The following ACTR3C variants were observed in gnomAD, a reference collection of about 807,000 sequenced individuals.
ACTR3C encodes actin related protein 3C.
Under a neutral mutation model 26.3 loss-of-function variants are expected in ACTR3C, and 18 were observed. The observed-to-expected ratio is 0.68, with a 90% CI of 0.47 to 1.01. ACTR3C has a LOEUF of 1.01. Ranked by LOEUF, ACTR3C falls within the 50% of genes least tolerant of loss-of-function variation. The pLI, the probability that ACTR3C is intolerant of heterozygous loss-of-function variation, is 0.00. For missense variants in ACTR3C, 184 were observed against 250.7 expected, an observed-to-expected ratio of 0.73 and a Z score of 1.80; for synonymous variants, 55 against 94.5, an observed-to-expected ratio of 0.58 and a Z score of 2.42.
the ACTR3C span, among the ~76,000 whole-genome samples, chr7:149,985,485 A>G: frequency 1.3e-5 from 2 of 152,190 alleles, no homozygotes; most frequent in Non-Finnish European, 2.9e-5. Flanking sequence ...GTTTCTCAAA[A>G]CATTCTTATG....
chr7:150,018,468 T>C, the ACTR3C span, among the ~76,000 whole-genome samples: 3 of 149,476 alleles, frequency 2.0e-5, no homozygotes, highest in African/African-American at 7.6e-5. Flanking sequence ...GGGTTTGTTT[T>C]ATAAATCATT....
the ACTR3C span, among the ~76,000 whole-genome samples, chr7:149,930,768 C>A: frequency 6.6e-6 from 1 of 152,202 alleles, no homozygotes; most frequent in Non-Finnish European, 1.5e-5. Context: ...GCACATGAGC[C>A]CCACACATAC....
At chr7:149,932,840 C>T in the ACTR3C span, among the ~76,000 whole-genome samples, 1 of 150,918 alleles carries the variant, frequency 6.6e-6, no homozygotes, top group African/African-American at 2.4e-5. Flanking sequence ...CACGATGGCC[C>T]AAGACCTGAA....
chr7:150,105,077 C>A, the ACTR3C span, among the ~76,000 whole-genome samples: 2 of 148,406 alleles, frequency 1.3e-5, no homozygotes, highest in Admixed American at 6.7e-5. Flanking sequence ...CTTCTTCATT[C>A]TTTTTTTCTT....
At chr7:150,306,452 G>GA (rs964088146) in intron 1 of ACTR3C, among the ~76,000 whole-genome samples, 79 of 152,242 alleles carry the variant, frequency 5.2e-4, no homozygotes, top group African/African-American at 1.8e-3. Flanking sequence ...GCTACAGAAG[G>GA]AAAAATGCCA....
chr7:150,248,201 G>GTT (rs754405535), intron 7 of ACTR3C: 1 of 152,246 alleles, frequency 6.6e-6, no homozygotes, highest in Non-Finnish European at 1.5e-5. Flanking sequence ...AGGATGCAGA[G>GTT]TAAGCCCACT....
chr7:150,085,751 C>T, the ACTR3C span, among the ~76,000 whole-genome samples: 4 of 151,974 alleles, frequency 2.6e-5, no homozygotes, highest in African/African-American at 7.3e-5. Flanking sequence ...AAGCAGGTGC[C>T]GTGAGATTAA....
the ACTR3C span, among the ~76,000 whole-genome samples, chr7:149,969,876 T>C: frequency 2.6e-5 from 4 of 152,216 alleles, no homozygotes; most frequent in African/African-American, 9.6e-5. Context: ...GGGATACAGC[T>C]GACTGAATGT....
At chr7:150,220,516 G>T in the ACTR3C span, among the ~76,000 whole-genome samples, 1 of 150,908 alleles carries the variant, frequency 6.6e-6, no homozygotes, top group Admixed American at 6.6e-5. Context: ...AGGAGAAGCA[G>T]CTGCTGGGAC....
At chr7:150,244,800 T>C (rs1242086614), downstream of ACTR3C, 3 of 155,418 alleles carry the variant, frequency 1.9e-5, no homozygotes, top group African/African-American at 7.2e-5. Context: ...GTGGAAACCA[T>C]GCAGAAAGCG....
the ACTR3C span, among the ~76,000 whole-genome samples, chr7:150,190,376 T>C: frequency 6.8e-6 from 1 of 147,134 alleles, no homozygotes; most frequent in Non-Finnish European, 1.5e-5. Context: ...TCAACAATTT[T>C]AAAATTATAA....
chr7:150,311,513 G>A (rs1796318365), intron 1 of ACTR3C, among the ~76,000 whole-genome samples: 1 of 152,074 alleles, frequency 6.6e-6, no homozygotes, highest in Non-Finnish European at 1.5e-5. Flanking sequence ...GACTCCTCCA[G>A]CTCTATTCAC....
At chr7:149,993,687 C>A in the ACTR3C span, among the ~76,000 whole-genome samples, 1 of 151,970 alleles carries the variant, frequency 6.6e-6, no homozygotes, top group Non-Finnish European at 1.5e-5. Context: ...ACCCACAGAC[C>A]CCATTGGAGC....
At chr7:150,303,777 G>GT (rs778007519) in intron 1 of ACTR3C, among the ~76,000 whole-genome samples, 12 of 152,320 alleles carry the variant, frequency 7.9e-5, no homozygotes, top group Middle Eastern at 3.4e-3. Context: ...TTATTCTGGG[G>GT]TTTTTTCTCT....
the ACTR3C span, among the ~76,000 whole-genome samples, chr7:149,909,345 C>T: frequency 1.4e-5 from 2 of 141,722 alleles, no homozygotes; most frequent in African/African-American, 5.4e-5. Context: ...ACTAAGCTAA[C>T]AGACTGTATG....
At chr7:150,279,556 C>T (rs1323279583) in intron 6 of ACTR3C, among the ~76,000 whole-genome samples, 2 of 151,442 alleles carry the variant, frequency 1.3e-5, no homozygotes, top group Admixed American at 1.3e-4. Flanking sequence ...ATTGCTGGTC[C>T]CACCCTCCCT....
chr7:150,243,215 T>C (rs990461683), downstream of ACTR3C, among the ~76,000 whole-genome samples: 4 of 152,174 alleles, frequency 2.6e-5, no homozygotes, highest in Non-Finnish European at 5.9e-5. Flanking sequence ...GATTGCACTA[T>C]ACTTTCTAAG....
the ACTR3C span, among the ~76,000 whole-genome samples, chr7:149,998,379 C>A: frequency 1.3e-5 from 2 of 149,522 alleles, 1 homozygote; most frequent in South Asian, 4.3e-4. Flanking sequence ...TCTTTGATAC[C>A]TGTATTCGTC....
Position 150,259,803 on chromosome 7 carries a change from C to A in ACTR3C, c.565-10749G>T, listed in dbSNP as rs146357420. On this transcript the variant is annotated intron_variant, in intron 6 of 7. Transcript: ENST00000683684. Reference sequence around the variant, plus strand: ...AAAATATTTGCTTCTCAAAGGTGCCCCACCTGTCACCATAGCAAAGGTTGT... The same window carrying A: ...AAAATATTTGCTTCTCAAAGGTGCCACACCTGTCACCATAGCAAAGGTTGT... 8.4e-3 allele frequency among the ~76,000 whole-genome samples: 1,276 copies of A among 152,264 alleles called. 20 individuals are homozygous for A. The highest frequency in any genetic ancestry group is 0.029 in the African/African-American group (1,220 of 41,526).
Sources: gnomAD v4.1 joint callset for allele counts (sites outside exome capture counted in the v4.1 genomes callset) on GRCh38, gnomAD v4.1.1 for gene constraint, MANE v1.5 for transcripts, NCBI Gene and HGNC (gene_info 2026-07-23, HGNC 2026-07-21) for gene names.